RGSL1: variants seen among roughly 807,000 people sequenced by gnomAD.
RGSL1 encodes regulator of G protein signaling like 1, also known as regulator of G protein signaling protein-like.
In RGSL1, 97 loss-of-function variants were observed where a neutral mutation model predicts 124.7. The ratio of observed to expected loss-of-function variants is 0.78; its 90% CI spans 0.66 to 0.92. The LOEUF is 0.92. Ranked by LOEUF, RGSL1 falls within the 40% of genes least tolerant of loss-of-function variation. RGSL1 has a pLI of 0.00. For missense variants in RGSL1, 1,233 were observed against 1,288.4 expected (o/e 0.96, Z 0.66); for synonymous variants, 424 against 438.1 (o/e 0.97, Z 0.40).
intron 15 of RGSL1, 100 bp downstream of exon 15, chr1:182,540,521 T>G (rs1659829430): frequency 9.8e-7 from 1 of 1,015,884 alleles, no homozygotes. Flanking sequence ...TACAGTGATT[T>G]CAGACCTGTC....
chr1:182,515,360 C>CAGCCTGG (rs1341494354), intron 9 of RGSL1, among the ~76,000 whole-genome samples: 1 of 152,038 alleles, frequency 6.6e-6, no homozygotes, highest in East Asian at 1.9e-4. Flanking sequence ...TCTAGGGCTG[C>CAGCCTGG]AGCCTGGAGC....
At chr1:182,530,167 A>G in intron 11 of RGSL1, 77 bp from the exon 12 acceptor site, 2 of 1,156,284 alleles carry the variant, frequency 1.7e-6, no homozygotes, top group East Asian at 2.6e-5. Flanking sequence ...AGATAAAAAA[A>G]AAAAACAAAA....
intron 4 of RGSL1, chr1:182,460,491 C>T (rs924766858): frequency 2.7e-6 from 1 of 370,494 alleles, no homozygotes; most frequent in Non-Finnish European, 5.2e-6. Flanking sequence ...GTAAAATTGC[C>T]TAATTTAGAA....
Position 182,527,611 on chromosome 1 carries a change from A to T in RGSL1, c.1964A>T (p.His655Leu). 6.4e-7 allele frequency: 1 copy of T among 1,551,560 alleles called. No homozygotes were observed. The highest frequency in any genetic ancestry group is 8.7e-7 in the Non-Finnish European group (1 of 1,146,816). Reference sequence around the variant, plus strand: ...ACAGAAGTCCTCTTAAATACACAGCACTTGGAGTTCTTCAGGGAGTTCCTC... The same window carrying T: ...ACAGAAGTCCTCTTAAATACACAGCTCTTGGAGTTCTTCAGGGAGTTCCTC... ...NLTEVLLNTQHLEFFREFLKE... is the reference protein window; with the variant it reads ...NLTEVLLNTQLLEFFREFLKE... Residue 655 changes from histidine to leucine, a missense_variant, in exon 11 of 22, where the codon CAC becomes CTC. Coordinates refer to ENST00000294854, the MANE Select transcript of RGSL1 (RefSeq NM_001137669.2).
chr1:182,505,175 C>A (rs945321179), intron 9 of RGSL1, among the ~76,000 whole-genome samples: 1 of 152,106 alleles, frequency 6.6e-6, no homozygotes, highest in South Asian at 2.1e-4. Flanking sequence ...ACTTGGGAAG[C>A]CTCCCCATCC....
intron 2 of RGSL1, among the ~76,000 whole-genome samples, chr1:182,454,441 A>G (rs17464338): frequency 0.13 from 20,187 of 152,124 alleles, 1,536 homozygotes; most frequent in Non-Finnish European, 0.18. Flanking sequence ...CCATAGTTCC[A>G]CCTACGAAAA....
rs1412205379 is a variant in RGSL1, at chr1:182,532,184, G to A, written c.2365-478G>A. Among the ~76,000 whole-genome samples the A allele has an allele frequency of 2.0e-5, 3 of 152,192 alleles. No homozygotes were observed. The East Asian group carries it at 5.8e-4, about 29-fold the overall frequency. On this transcript the variant is annotated intron_variant, in intron 13 of 21. Transcript: ENST00000294854. ...ATGAGGAAACTTATGAAATTCGTGTGTGTATGTGTGTGTGTGTGTAGGTGT... is the reference window on the plus strand; with the variant it reads ...ATGAGGAAACTTATGAAATTCGTGTATGTATGTGTGTGTGTGTGTAGGTGT...
intron 6 of RGSL1, among the ~76,000 whole-genome samples, chr1:182,483,929 T>C (rs1438266843): frequency 6.6e-6 from 1 of 151,936 alleles, no homozygotes; most frequent in African/African-American, 2.4e-5. Context: ...ACTCTGGAGG[T>C]TCGGGCCCAC....
At chr1:182,524,895 G>A (rs1262605639) in intron 10 of RGSL1, among the ~76,000 whole-genome samples, 2 of 152,208 alleles carry the variant, frequency 1.3e-5, no homozygotes, top group Non-Finnish European at 2.9e-5. Flanking sequence ...CCAAGGGACT[G>A]TGCAAATGCT....
At chr1:182,472,893 CA>C (rs1653968068) in intron 5 of RGSL1, among the ~76,000 whole-genome samples, 1 of 152,242 alleles carries the variant, frequency 6.6e-6, no homozygotes, top group African/African-American at 2.4e-5. Flanking sequence ...TTCTCTAGAA[CA>C]AACTGCAGCC....
chr1:182,552,092 G>C (rs1660596650), intron 18 of RGSL1, among the ~76,000 whole-genome samples: 1 of 151,952 alleles, frequency 6.6e-6, no homozygotes, highest in Non-Finnish European at 1.5e-5. Flanking sequence ...TCATACAGCT[G>C]TGATTGGTAC....
chr1:182,520,787 T>C (rs541506372), intron 9 of RGSL1, among the ~76,000 whole-genome samples: 1 of 152,336 alleles, frequency 6.6e-6, no homozygotes, highest in Admixed American at 6.5e-5. Context: ...ATCCAACATA[T>C]ATTTCTATTG....
chr1:182,528,902 G>A (rs1295222834), intron 11 of RGSL1, among the ~76,000 whole-genome samples: 2 of 152,228 alleles, frequency 1.3e-5, no homozygotes, highest in African/African-American at 4.8e-5. Flanking sequence ...CATGGTGGAA[G>A]GCACCTGTCT....
chr1:182,559,425 G>A (rs933901966), intron 21 of RGSL1, among the ~76,000 whole-genome samples: 4 of 152,066 alleles, frequency 2.6e-5, no homozygotes, highest in Admixed American at 6.5e-5. Flanking sequence ...ACTCTGCCTT[G>A]GACATGTCGC....
intron 15 of RGSL1, 31 bp from the exon 16 acceptor site, chr1:182,548,277 TCTTCTCCTC>T: frequency 6.4e-7 from 1 of 1,550,796 alleles, no homozygotes. Flanking sequence ...ACTGTTTTCA[TCTTCTCCTC>T]CTGATTTCCT....
chr1:182,456,809 C>T (rs1243379600), intron 2 of RGSL1, among the ~76,000 whole-genome samples: 1 of 152,180 alleles, frequency 6.6e-6, no homozygotes, highest in African/African-American at 2.4e-5. Flanking sequence ...ATTTCTACCA[C>T]TTAATTCCCA....
chr1:182,548,345 A>AT lies in RGSL1; in HGVS notation c.2699dup (p.Met900IlefsTer9). On this transcript the variant is annotated frameshift_variant, in exon 16 of 22. Coordinates refer to ENST00000294854, the MANE Select transcript of RGSL1 (RefSeq NM_001137669.2). LOFTEE classifies it high-confidence loss of function. ...TAATGATCTGGTCAGTTCAGCCCAC[A>AT]TGCTGCAGGTCAACCGGGCATATAA... The AT allele has an allele frequency of 6.4e-7, 1 of 1,552,098 alleles. No individual in the cohort carries two copies. Among genetic ancestry groups the AT allele is most frequent in the Non-Finnish European group, 8.7e-7 (1 of 1,147,074 alleles).
At chr1:182,480,069 A>T (rs1487997348) in intron 6 of RGSL1, among the ~76,000 whole-genome samples, 2 of 152,212 alleles carry the variant, frequency 1.3e-5, no homozygotes, top group Non-Finnish European at 2.9e-5. Context: ...CCCACTCTTC[A>T]TAATGGATAC....
intron 9 of RGSL1, among the ~76,000 whole-genome samples, chr1:182,503,979 T>C (rs879449142): frequency 0.66 from 81,619 of 122,792 alleles, 25,508 homozygotes; most frequent in Non-Finnish European, 0.71. Context: ...AATTTCTTTT[T>C]TTTTTTTTTT....
Sources: gnomAD v4.1 joint callset for allele counts (sites outside exome capture counted in the v4.1 genomes callset) on GRCh38, gnomAD v4.1.1 for gene constraint, MANE v1.5 for transcripts, NCBI Gene and HGNC (gene_info 2026-07-23, HGNC 2026-07-21) for gene names.